Variants in RALYL observed in about 807,000 individuals in gnomAD.
RALYL encodes RALY RNA binding protein like.
In RALYL, 29 loss-of-function variants were observed where a neutral mutation model predicts 35.1. That is an observed-to-expected ratio of 0.83 (90% confidence interval 0.61 to 1.13). The LOEUF (loss-of-function observed/expected upper bound fraction) is 1.13. RALYL is among the 50% of genes most tolerant of loss of function. The probability of loss-of-function intolerance (pLI) is 0.00; values close to 1 mark genes in which losing one functional copy is unlikely to be tolerated. For synonymous variants in RALYL, 120 were observed against 127.6 expected (o/e 0.94, Z 0.40); for missense variants, 359 against 360.4 (o/e 1.00, Z 0.03).
chr8:84,525,243 T>C (rs894977084), intron 1 of RALYL, among the ~76,000 whole-genome samples: 3 of 152,100 alleles, frequency 2.0e-5, no homozygotes, highest in African/African-American at 7.2e-5. Flanking sequence ...ATAGACACTT[T>C]ACATGAGCTC....
chr8:84,761,747 G>T (rs1255771186), intron 2 of RALYL, among the ~76,000 whole-genome samples: 1 of 152,038 alleles, frequency 6.6e-6, no homozygotes, highest in Admixed American at 6.6e-5. Flanking sequence ...ATTGTTCTAG[G>T]TTCATTGAAT....
At chr8:84,422,156 C>A (rs1393675803) in intron 1 of RALYL, among the ~76,000 whole-genome samples, 4 of 139,426 alleles carry the variant, frequency 2.9e-5, no homozygotes, top group African/African-American at 1.1e-4. Context: ...TGGTAGAATT[C>A]GGCTGTGAAT....
chr8:84,801,243 C>A (rs1006976), intron 3 of RALYL, among the ~76,000 whole-genome samples: 43 of 151,988 alleles, frequency 2.8e-4, no homozygotes, highest in Middle Eastern at 6.9e-3. Context: ...CCACAGAAGA[C>A]ACTTGGGAGT....
intron 1 of RALYL, among the ~76,000 whole-genome samples, chr8:84,190,196 A>G (rs1813525897): frequency 6.6e-6 from 1 of 152,236 alleles, no homozygotes; most frequent in African/African-American, 2.4e-5. Context: ...AGCTCTGTAA[A>G]TATAGGTGTC....
chr8:84,904,692 A>T (rs1846191797), intron 8 of RALYL, among the ~76,000 whole-genome samples: 1 of 151,890 alleles, frequency 6.6e-6, no homozygotes, highest in South Asian at 2.1e-4. Context: ...AATTACCTCC[A>T]GTTTATGGGA....
intron 2 of RALYL, among the ~76,000 whole-genome samples, chr8:84,635,948 C>T (rs768935952): frequency 2.2e-4 from 33 of 151,694 alleles, no homozygotes; most frequent in Non-Finnish European, 4.4e-4. Flanking sequence ...AACCCCTTGG[C>T]TTTTTGAACT....
chr8:84,806,895 T>G (rs1318872249), intron 4 of RALYL, among the ~76,000 whole-genome samples: 1 of 151,984 alleles, frequency 6.6e-6, no homozygotes, highest in Non-Finnish European at 1.5e-5. Context: ...CCTCTAGTCC[T>G]AGCCACCTGG....
intron 1 of RALYL, among the ~76,000 whole-genome samples, chr8:84,364,788 T>A (rs192234327): frequency 1.3e-5 from 2 of 152,282 alleles, no homozygotes; most frequent in Non-Finnish European, 2.9e-5. Flanking sequence ...CATCTTTTCA[T>A]AATTGTTCAG....
At chr8:84,469,124 T>C (rs2052265225) in intron 1 of RALYL, among the ~76,000 whole-genome samples, 1 of 152,224 alleles carries the variant, frequency 6.6e-6, no homozygotes, top group African/African-American at 2.4e-5. Context: ...TTTGATCGTC[T>C]GAAGCCTTCT....
intron 1 of RALYL, among the ~76,000 whole-genome samples, chr8:84,373,948 T>A (rs1736119268): frequency 6.6e-6 from 1 of 152,024 alleles, no homozygotes; most frequent in Non-Finnish European, 1.5e-5. Flanking sequence ...GTATCCTAGC[T>A]GTTTTATTCT....
At chr8:84,856,649 G>A (rs1837034992) in intron 5 of RALYL, among the ~76,000 whole-genome samples, 1 of 152,214 alleles carries the variant, frequency 6.6e-6, no homozygotes, top group Non-Finnish European at 1.5e-5. Flanking sequence ...AGATTTATTT[G>A]AAGTCAGAGT....
intron 4 of RALYL, among the ~76,000 whole-genome samples, chr8:84,807,472 A>T (rs993979428): frequency 6.6e-6 from 1 of 152,166 alleles, no homozygotes; most frequent in Non-Finnish European, 1.5e-5. Flanking sequence ...TGCTGCTATA[A>T]ACATGCATGT....
At chr8:84,398,691 C>T (rs1449912452) in intron 1 of RALYL, among the ~76,000 whole-genome samples, 1 of 152,018 alleles carries the variant, frequency 6.6e-6, no homozygotes, top group African/African-American at 2.4e-5. Context: ...AAAACCAATC[C>T]AGGCCAGTGC....
intron 2 of RALYL, among the ~76,000 whole-genome samples, chr8:84,589,859 C>G (rs1042375035): frequency 6.6e-6 from 1 of 152,168 alleles, no homozygotes; most frequent in African/African-American, 2.4e-5. Flanking sequence ...TATAATATTT[C>G]TATATCATGT....
chr8:84,605,791 T>C (rs1055509609), intron 2 of RALYL, among the ~76,000 whole-genome samples: 16 of 152,186 alleles, frequency 1.1e-4, no homozygotes, highest in Non-Finnish European at 2.2e-4. Context: ...TAGCACACCA[T>C]TTACATACTG....
At chr8:84,727,082 T>A (rs941825711) in intron 2 of RALYL, among the ~76,000 whole-genome samples, 8 of 152,092 alleles carry the variant, frequency 5.3e-5, no homozygotes, top group African/African-American at 1.9e-4. Context: ...AGGGGTTAAG[T>A]TAAGCACCAA....
chr8:84,481,273 A>C (rs534033888), intron 1 of RALYL, among the ~76,000 whole-genome samples: 1 of 152,154 alleles, frequency 6.6e-6, no homozygotes, highest in Admixed American at 6.5e-5. Context: ...ATCCTGTAAC[A>C]TTATAAAATT....
intron 2 of RALYL, among the ~76,000 whole-genome samples, chr8:84,621,413 C>T (rs937925603): frequency 6.6e-6 from 1 of 152,216 alleles, no homozygotes; most frequent in African/African-American, 2.4e-5. Flanking sequence ...TCCCTGACCC[C>T]TTGCACTTCC....
chr8:84,380,600 A>T (rs1375348254), intron 1 of RALYL, among the ~76,000 whole-genome samples: 1 of 151,930 alleles, frequency 6.6e-6, no homozygotes, highest in Non-Finnish European at 1.5e-5. Context: ...TAGGAAAAAA[A>T]GAAGCAAGTA....
Sources: allele counts gnomAD v4.1 joint callset (sites outside exome capture counted in the v4.1 genomes callset), GRCh38; gene constraint gnomAD v4.1.1; transcripts MANE v1.5; gene names NCBI Gene and HGNC (gene_info 2026-07-23, HGNC 2026-07-21).